GREB1L: variants seen among roughly 807,000 people sequenced by gnomAD.
GREB1L encodes the protein GREB1-like protein.
A neutral mutation model predicts 200.8 loss-of-function variants in GREB1L; 17 were observed. That is an observed-to-expected ratio of 0.08 (90% confidence interval 0.06 to 0.13). The LOEUF (loss-of-function observed/expected upper bound fraction) is 0.13. Among genes scored for constraint, GREB1L ranks in the 10% least tolerant of loss-of-function variants. GREB1L has a pLI of 1.00. For missense variants in GREB1L, 1,657 were observed against 2,367.7 expected (o/e 0.70, Z 6.23); for synonymous variants, 789 against 893.0 (o/e 0.88, Z 2.08).
At chr18:21,419,549 A>G (rs1475566151) in intron 7 of GREB1L, among the ~76,000 whole-genome samples, 1 of 152,124 alleles carries the variant, frequency 6.6e-6, no homozygotes, top group Non-Finnish European at 1.5e-5. Context: ...ACCTCCCTTC[A>G]AGGGATTCTC....
chr18:21,488,629 C>T lies in GREB1L; in HGVS notation c.2691-1383C>T, dbSNP rs542816436. ...TGGCCAACCTTGGACCCAGAGCCCACTTTGCCAGCACCTACTTTCTTTCTT... is the reference window on the plus strand; with the variant it reads ...TGGCCAACCTTGGACCCAGAGCCCATTTTGCCAGCACCTACTTTCTTTCTT... On this transcript the variant is annotated intron_variant, in intron 18 of 32. Transcript: ENST00000424526. Among the ~76,000 whole-genome samples, 4 of 152,240 alleles carry T rather than the reference C, an allele frequency of 2.6e-5. No individual in the cohort carries two copies. In the South Asian group the frequency reaches 6.2e-4, roughly 24 times the overall value.
At chr18:21,520,130 G>A (rs1202373112) in intron 31 of GREB1L, among the ~76,000 whole-genome samples, 3 of 152,018 alleles carry the variant, frequency 2.0e-5, no homozygotes, top group Non-Finnish European at 4.4e-5. Context: ...TACTAGAGAT[G>A]GAATTTTGCC....
intron 1 of GREB1L, among the ~76,000 whole-genome samples, chr18:21,351,953 T>C (rs1186320239): frequency 6.6e-6 from 1 of 152,114 alleles, no homozygotes; most frequent in Non-Finnish European, 1.5e-5. Flanking sequence ...ATTCAAGCAA[T>C]TCTTCTGCCT....
chr18:21,269,027 AAAG>A (rs2038036949), intron 1 of GREB1L, among the ~76,000 whole-genome samples: 1 of 152,136 alleles, frequency 6.6e-6, no homozygotes, highest in Admixed American at 6.5e-5. Flanking sequence ...TTCCAGCACT[AAAG>A]AAGCCTTGCC....
intron 15 of GREB1L, among the ~76,000 whole-genome samples, chr18:21,467,990 A>T (rs1161218631): frequency 1.3e-5 from 2 of 150,170 alleles, no homozygotes; most frequent in Non-Finnish European, 3.0e-5. Context: ...ATGCCACTGC[A>T]CTCCAGCCTG....
At chr18:21,264,690 C>T (rs1469442979) in intron 1 of GREB1L, among the ~76,000 whole-genome samples, 2 of 102,154 alleles carry the variant, frequency 2.0e-5, no homozygotes, top group Non-Finnish European at 4.0e-5. Flanking sequence ...GGTCACCCTT[C>T]ACCCCCGCCC....
At chr18:21,440,714 C>G (rs2033851581) in intron 9 of GREB1L, among the ~76,000 whole-genome samples, 1 of 152,158 alleles carries the variant, frequency 6.6e-6, no homozygotes, top group South Asian at 2.1e-4. Flanking sequence ...TTATCTGGTT[C>G]TTTATGTGAC....
At chr18:21,393,724 C>T (rs576694756) in intron 4 of GREB1L, among the ~76,000 whole-genome samples, 206 of 152,244 alleles carry the variant, frequency 1.4e-3, no homozygotes, top group Middle Eastern at 6.8e-3. Flanking sequence ...TCACCGCGCC[C>T]GGCCTTTTTT....
chr18:21,504,476 C>T (rs921696146), intron 23 of GREB1L, among the ~76,000 whole-genome samples: 3 of 152,202 alleles, frequency 2.0e-5, no homozygotes, highest in Admixed American at 2.0e-4. Context: ...TTCAAGGTTG[C>T]AGTGAGCTTA....
chr18:21,441,459 C>G lies in GREB1L; in HGVS notation c.1129C>G (p.Pro377Ala), dbSNP rs1358329786. 6.4e-7 allele frequency: 1 copy of G among 1,551,426 alleles called. No individual in the cohort carries two copies. The highest frequency in any genetic ancestry group is 8.7e-7 in the Non-Finnish European group (1 of 1,146,740). Residue 377 changes from proline (P) to alanine (A), a missense_variant, in exon 10 of 33, where the codon CCC becomes GCC. Pro to Ala is a conservative substitution (Grantham distance 27). Transcript: ENST00000424526. ...ACTAACTGGAATTTTACAACCCAGGCCCATTCCTGCAGGGGAAACTGTAAT... is the reference window on the plus strand; with the variant it reads ...ACTAACTGGAATTTTACAACCCAGGGCCATTCCTGCAGGGGAAACTGTAAT... ...TPLTGILQPR[P>A]IPAGETVIVP...
At chr18:21,518,358 C>A in intron 31 of GREB1L, 124 bp downstream of exon 31, 1 of 897,788 alleles carries the variant, frequency 1.1e-6, no homozygotes, top group Non-Finnish European at 1.7e-6. Flanking sequence ...TGGTCCTTTG[C>A]CAGAACTTTT....
intron 1 of GREB1L, among the ~76,000 whole-genome samples, chr18:21,249,013 T>G (rs751234846): frequency 5.3e-5 from 8 of 152,210 alleles, no homozygotes; most frequent in Non-Finnish European, 1.2e-4. Context: ...AAATATCACT[T>G]GAAACATTAT....
intron 7 of GREB1L, among the ~76,000 whole-genome samples, chr18:21,421,103 C>A (rs1226750298): frequency 6.6e-6 from 1 of 152,060 alleles, no homozygotes; most frequent in Non-Finnish European, 1.5e-5. Context: ...TCAGCAGTTT[C>A]TTGGGGATGG....
At chr18:21,381,221 G>A (rs905432965) in intron 2 of GREB1L, among the ~76,000 whole-genome samples, 2 of 151,864 alleles carry the variant, frequency 1.3e-5, no homozygotes, top group African/African-American at 2.4e-5. Context: ...CAGCCTGGAC[G>A]ACAGAGCGAG....
chr18:21,282,668 C>T (rs1490402790), intron 1 of GREB1L, among the ~76,000 whole-genome samples: 2 of 151,906 alleles, frequency 1.3e-5, no homozygotes, highest in South Asian at 2.1e-4. Flanking sequence ...GGCACAATCT[C>T]GGCTCATTGC....
chr18:21,315,389 C>T (rs772036733), intron 1 of GREB1L, among the ~76,000 whole-genome samples: 1 of 152,198 alleles, frequency 6.6e-6, no homozygotes, highest in South Asian at 2.1e-4. Flanking sequence ...CCACGCCCAG[C>T]TTAGTTTAAG....
chr18:21,451,382 T>G (rs1195229972), intron 13 of GREB1L: 1 of 360,862 alleles, frequency 2.8e-6, no homozygotes, highest in Non-Finnish European at 4.9e-6. Flanking sequence ...CACAACCTTG[T>G]TGAGTGACCT....
rs1269589202 is a variant in GREB1L, at chr18:21,393,455, C to A, written c.356-1930C>A. ...GGGATTACATGCATGTGCCACCATG[C>A]CTAGCTAATTTGTTGTTGTTGTTGT... On this transcript the variant is annotated intron_variant, in intron 4 of 32. Transcript: ENST00000424526. Among the ~76,000 whole-genome samples, 7 of 151,352 alleles carry A rather than the reference C, an allele frequency of 4.6e-5. No homozygotes were observed. In the East Asian group the frequency reaches 1.4e-3, roughly 29 times the overall value.
At chr18:21,372,146 C>CTTTTTT (rs1428080234) in intron 2 of GREB1L, among the ~76,000 whole-genome samples, 1 of 150,396 alleles carries the variant, frequency 6.6e-6, no homozygotes, top group African/African-American at 2.5e-5. Context: ...ACAAATTTGT[C>CTTTTTT]TCTCTTTTTT....
Sources: gnomAD v4.1 joint callset for allele counts (sites outside exome capture counted in the v4.1 genomes callset) on GRCh38, gnomAD v4.1.1 for gene constraint, MANE v1.5 for transcripts, NCBI Gene and HGNC (gene_info 2026-07-23, HGNC 2026-07-21) for gene names.